The following RGMA variants were observed in gnomAD, a reference collection of about 807,000 sequenced individuals.
The protein encoded by RGMA is repulsive guidance molecule BMP co-receptor a.
Under a neutral mutation model 23.2 loss-of-function variants are expected in RGMA, and 10 were observed. The ratio of observed to expected loss-of-function variants is 0.43; its 90% confidence interval spans 0.27 to 0.73. RGMA has a LOEUF of 0.73. Ranked by LOEUF, RGMA falls within the 30% of genes least tolerant of loss-of-function variation. The pLI, the probability that RGMA is intolerant of heterozygous loss-of-function variation, is 0.20. For missense variants in RGMA, 547 were observed against 630.5 expected, an observed-to-expected ratio of 0.87 and a Z score of 1.42; for synonymous variants, 308 against 279.3, an observed-to-expected ratio of 1.10 and a Z score of -1.03.
chr15:93,088,889 G>A (rs772622893), intron 1 of RGMA, 30 bp downstream of exon 1: 34 of 1,491,286 alleles, frequency 2.3e-5, no homozygotes, highest in Non-Finnish European at 2.9e-5. Flanking sequence ...TGTCAGAGCC[G>A]GGTCTGCCCG....
At chr15:93,077,964 G>A (rs1163521307) in intron 1 of RGMA, among the ~76,000 whole-genome samples, 1 of 152,196 alleles carries the variant, frequency 6.6e-6, no homozygotes, top group Non-Finnish European at 1.5e-5. Flanking sequence ...TGTCTCTGCC[G>A]CACAAAGTGC....
At chr15:93,078,695 C>T (rs1000370126) in intron 1 of RGMA, among the ~76,000 whole-genome samples, 2 of 152,232 alleles carry the variant, frequency 1.3e-5, no homozygotes, top group African/African-American at 4.8e-5. Flanking sequence ...TGACATTGCT[C>T]ACCTTCTGCA....
Position 93,052,085 on chromosome 15 carries a change from C to T in RGMA, c.553G>A (p.Gly185Ser), listed in dbSNP as rs766396795. Residue 185 changes from glycine (G) to serine (S), a missense_variant, in exon 3 of 4, where the codon GGC becomes AGC. Physicochemically the swap from Gly to Ser is moderately conservative, Grantham distance 56. Coordinates refer to ENST00000329082, the MANE Select transcript of RGMA (RefSeq NM_020211.3). ...TTATTGTCGATGAGCGGCCAGGCGC[C>T]CTGCACCTTGCAGGTCTGGAAGCGG... The part of the protein sequence containing the change: ...TDRFQTCKVQ[G>S]AWPLIDNNYL... 1 of 1,613,504 alleles carries T rather than the reference C, an allele frequency of 6.2e-7. No homozygotes were observed. Among genetic ancestry groups the T allele is most frequent in the Non-Finnish European group, 8.5e-7 (1 of 1,179,694 alleles).
intron 1 of RGMA, among the ~76,000 whole-genome samples, chr15:93,079,069 T>TCCCAAAG (rs1296085910): frequency 2.0e-5 from 3 of 152,254 alleles, no homozygotes; most frequent in African/African-American, 7.2e-5. Flanking sequence ...CTTCATTTCA[T>TCCCAAAG]CCCAAAGCCT....
At chr15:93,067,298 GT>G (rs1276643657) in intron 2 of RGMA, among the ~76,000 whole-genome samples, 1 of 152,088 alleles carries the variant, frequency 6.6e-6, no homozygotes, top group African/African-American at 2.4e-5. Flanking sequence ...AAAAAATCCT[GT>G]GGTCTTTGCC....
rs949128435 is a variant in RGMA at position 93,041,703 on chromosome 15, G to A, written c.*3295C>T. On this transcript the variant is annotated 3_prime_UTR_variant, in exon 4 of 4. Coordinates refer to ENST00000329082, the MANE Select transcript of RGMA (RefSeq NM_020211.3). ...CCGCTCCTCCTTGCTGCCTCCCTGA[G>A]TCGCTCTGTCCCTGGGACTGCTAAG... The A allele has an allele frequency of 1.3e-5, 2 of 152,190 alleles. No homozygotes were observed. The highest frequency in any genetic ancestry group is 2.9e-5 in the Non-Finnish European group (2 of 68,050). 9.4% of individuals were successfully genotyped at this position (152,190 alleles called of 1,614,324 possible).
At chr15:93,070,010 C>T (rs971297929) in intron 2 of RGMA, among the ~76,000 whole-genome samples, 1 of 152,202 alleles carries the variant, frequency 6.6e-6, no homozygotes, top group South Asian at 2.1e-4. Context: ...CCTAGGTAGA[C>T]GTGGACACTG....
rs149051855 is a variant in RGMA, at chr15:93,064,546, C to A, written c.130+8370G>T. Among the ~76,000 whole-genome samples the A allele has an allele frequency of 4.7e-4, 72 of 152,346 alleles. 1 individual carries two copies. The highest frequency in any genetic ancestry group is 1.6e-3 in the African/African-American group (67 of 41,580). On this transcript the variant is annotated intron_variant, in intron 2 of 3. Coordinates refer to ENST00000329082, the MANE Select transcript of RGMA (RefSeq NM_020211.3). ...TGGGGGAAGAACAAATGCAAGCCAG[C>A]CAGGCTCCTGCCCAGCCTGCGCACA...
chr15:93,075,555 G>A (rs1448412658), intron 1 of RGMA, among the ~76,000 whole-genome samples: 1 of 152,060 alleles, frequency 6.6e-6, no homozygotes, highest in East Asian at 1.9e-4. Context: ...AAGTTTGCTT[G>A]CTGTAAAGCC....
intron 2 of RGMA, among the ~76,000 whole-genome samples, chr15:93,068,999 A>G (rs1163969361): frequency 6.6e-6 from 1 of 152,160 alleles, no homozygotes; most frequent in African/African-American, 2.4e-5. Context: ...CCACCCACTT[A>G]TGGTATTTTG....
chr15:93,045,511 G>A lies in RGMA; in HGVS notation c.840C>T (p.Thr280=), dbSNP rs765266201. ...VEIQAKYIGT[T]IVVRQVGRYL... ...AGCGGCCCACCTGGCGCACCACGAT[G>A]GTGGTGCCGATGTACTTGGCCTGGA... is the stretch of plus-strand genomic sequence containing the variant. Residue 280 remains threonine, a synonymous_variant, in exon 4 of 4, where the codon ACC becomes ACT. Transcript: ENST00000329082. This position sits in a 1 kb window ranked among gnomAD's most constrained non-coding sequence, Gnocchi z 6.9. 28 of 1,613,096 alleles carry A rather than the reference G, an allele frequency of 1.7e-5. No homozygotes were observed. Among genetic ancestry groups the A allele is most frequent in the Non-Finnish European group, 2.3e-5 (27 of 1,179,794 alleles).
chr15:93,048,763 C>T (rs1348851821), intron 3 of RGMA, among the ~76,000 whole-genome samples: 2 of 152,102 alleles, frequency 1.3e-5, no homozygotes, highest in South Asian at 2.1e-4. Context: ...CTGGCCAGCC[C>T]ACCTCGGTGG....
intron 1 of RGMA, 74 bp downstream of exon 1, chr15:93,088,845 G>A (rs1895686100): frequency 8.1e-6 from 11 of 1,359,556 alleles, no homozygotes; most frequent in African/African-American, 1.5e-5. Context: ...AAGCAGCGCC[G>A]TGGCCCCGGC....
Position 93,067,106 on chromosome 15 carries a change from T to C in RGMA, c.130+5810A>G, listed in dbSNP as rs75907735. On this transcript the variant is annotated intron_variant, in intron 2 of 3. Coordinates refer to ENST00000329082, the MANE Select transcript of RGMA (RefSeq NM_020211.3). ...TTTGGAGAGAAGGATATAAAGGTAT[T>C]ATATCTTGAAAGATGTTTGTGAAAT... Among the ~76,000 whole-genome samples the C allele has an allele frequency of 8.8e-3, 1,337 of 152,370 alleles. 21 individuals carry two copies. Among genetic ancestry groups the C allele is most frequent in the African/African-American group, 0.031 (1,279 of 41,580 alleles).
In RGMA at chr15:93,044,314, G is replaced by C. The variant is rs557840996; in HGVS notation, c.*684C>G. On this transcript the variant is annotated 3_prime_UTR_variant, in exon 4 of 4. Coordinates refer to ENST00000329082, the MANE Select transcript of RGMA (RefSeq NM_020211.3). The stretch of plus-strand genomic sequence containing the variant: ...AGGGGCAGGGGCCCAGGCCAGAGAC[G>C]GGCAGCTGAGCAGGTGCCTGAAAAC... 3 of 152,798 alleles carry C rather than the reference G, an allele frequency of 2.0e-5. No homozygotes were observed. The highest frequency in any genetic ancestry group is 7.2e-5 in the African/African-American group (3 of 41,588). 9.5% of individuals were successfully genotyped at this position (152,798 alleles called of 1,614,324 possible).
intron 1 of RGMA, among the ~76,000 whole-genome samples, chr15:93,084,481 GT>G (rs11396219): frequency 2.0e-5 from 3 of 150,200 alleles, no homozygotes; most frequent in Admixed American, 1.3e-4. Context: ...TTTGTTTTTT[GT>G]TTTTTTTTGA....
chr15:93,079,831 C>T (rs973885023), intron 1 of RGMA, among the ~76,000 whole-genome samples: 10 of 152,086 alleles, frequency 6.6e-5, no homozygotes, highest in South Asian at 2.1e-4. Flanking sequence ...AAAAAAAGGA[C>T]GCTTCTCAGG....
rs78197657 is a variant in RGMA at position 93,047,939 on chromosome 15, G to A, written c.646-2234C>T. On this transcript the variant is annotated intron_variant, in intron 3 of 3. Coordinates refer to ENST00000329082, the MANE Select transcript of RGMA (RefSeq NM_020211.3). Reference sequence around the variant, plus strand: ...GGACCTCAGCTCAGGCAGGAGAGTCGCAGGAAGGTGGAAGGTGGGGTCTGG... The same window carrying A: ...GGACCTCAGCTCAGGCAGGAGAGTCACAGGAAGGTGGAAGGTGGGGTCTGG... Among the ~76,000 whole-genome samples, 415 of 152,330 alleles carry A rather than the reference G, an allele frequency of 2.7e-3. 5 individuals carry two copies. Among genetic ancestry groups the A allele is most frequent in the African/African-American group, 9.5e-3 (395 of 41,570 alleles).
chr15:93,067,091 A>T (rs530215722), intron 2 of RGMA, among the ~76,000 whole-genome samples: 1 of 152,264 alleles, frequency 6.6e-6, no homozygotes, highest in Non-Finnish European at 1.5e-5. Context: ...TTTGGAGAGA[A>T]GGATATAAAG....
Sources: gnomAD v4.1 joint callset for allele counts (sites outside exome capture counted in the v4.1 genomes callset) on GRCh38, gnomAD v4.1.1 for gene constraint, Gnocchi (gnomAD v3.1) non-coding constraint, MANE v1.5 for transcripts, NCBI Gene and HGNC (gene_info 2026-07-23, HGNC 2026-07-21) for gene names.